MDN1: variants seen among roughly 807,000 people sequenced by gnomAD.
MDN1 encodes the protein midasin.
A neutral mutation model predicts 669.2 loss-of-function variants in MDN1; 266 were observed. The ratio of observed to expected loss-of-function variants is 0.40; its 90% CI spans 0.36 to 0.44. MDN1 has a LOEUF of 0.44. Ranked by LOEUF, MDN1 falls within the 20% of genes least tolerant of loss-of-function variation. The pLI is 1.00. For missense variants in MDN1, 5,940 were observed against 6,754.0 expected (o/e 0.88, Z 4.22); for synonymous variants, 2,385 against 2,457.1 (o/e 0.97, Z 0.87).
At chr6:89,759,620 C>T (rs370616472) in intron 17 of MDN1, among the ~76,000 whole-genome samples, 7 of 151,280 alleles carry the variant, frequency 4.6e-5, no homozygotes, top group African/African-American at 1.5e-4. Flanking sequence ...AAAAAATAGC[C>T]GGGCGTGGTG....
Position 89,725,232 on chromosome 6 carries a change from G to A in MDN1, c.5637C>T (p.Gly1879=), listed in dbSNP as rs762749237. ...ATCTGTTAAGGAAAGACCTGGGCAA[G>A]CCTTTCCTCCCACCTCCTTGTCTAA... ...NPFRQGGGRK[G]LPRSFLNRFT... The change falls in exon 38 of 102, where the codon GGC becomes GGT. Residue 1879 remains glycine, a synonymous_variant. Transcript: ENST00000369393. 8.7e-6 allele frequency: 14 copies of A among 1,614,000 alleles called. No homozygotes were observed. The East Asian group carries it at 2.9e-4, about 33-fold the overall frequency.
intron 83 of MDN1, among the ~76,000 whole-genome samples, chr6:89,668,934 T>C (rs1810447754): frequency 6.6e-6 from 1 of 152,232 alleles, no homozygotes; most frequent in South Asian, 2.1e-4. Flanking sequence ...AGGACATATA[T>C]TCTCAGAATG....
chr6:89,797,268 G>C (rs1819655857), intron 2 of MDN1, among the ~76,000 whole-genome samples: 1 of 151,004 alleles, frequency 6.6e-6, no homozygotes, highest in South Asian at 2.1e-4. Flanking sequence ...TACCCAGAAG[G>C]CTGAGGCAGG....
intron 32 of MDN1, 103 bp from the exon 33 acceptor site, chr6:89,738,558 T>A: frequency 8.3e-7 from 1 of 1,207,466 alleles, no homozygotes; most frequent in Non-Finnish European, 1.2e-6. Flanking sequence ...CAGCAAATAC[T>A]ACACACTTTT....
intron 49 of MDN1, among the ~76,000 whole-genome samples, chr6:89,711,075 A>G (rs1010586560): frequency 7.9e-5 from 12 of 152,368 alleles, no homozygotes; most frequent in Non-Finnish European, 1.8e-4. Context: ...TAGACAGATG[A>G]CCACATGTGT....
At chr6:89,648,423 CATT>C in intron 97 of MDN1, 94 bp from the exon 98 acceptor site, 1 of 1,246,062 alleles carries the variant, frequency 8.0e-7, no homozygotes, top group South Asian at 1.2e-5. Context: ...CCAAAGAAAA[CATT>C]TTTTTGTTTG....
At chr6:89,791,468 A>G (rs1207163684) in intron 5 of MDN1, among the ~76,000 whole-genome samples, 1 of 152,168 alleles carries the variant, frequency 6.6e-6, no homozygotes, top group East Asian at 1.9e-4. Flanking sequence ...ATTTGCTTCT[A>G]AGTAATATAA....
At chr6:89,681,455 T>C (rs1562080835) in intron 73 of MDN1, among the ~76,000 whole-genome samples, 1 of 152,262 alleles carries the variant, frequency 6.6e-6, no homozygotes, top group East Asian at 1.9e-4. Flanking sequence ...ATTACAGGCA[T>C]GAGCCACCGC....
At position 89,728,934 on chromosome 6, in the gene MDN1, T is replaced by C. The variant is rs1198969282; in HGVS notation, c.5346A>G (p.Gln1782=). ...GCTGTAGGATGACCGAGCTTACCGT[T>C]TGCTCTGATAAGTTGATTCTAACAA... ...NTLVRINLSE[Q]TDITDLFGAD... The change falls in exon 36 of 102, where the codon CAA becomes CAG. Residue 1782 remains glutamine, a synonymous_variant. Transcript: ENST00000369393. 2.5e-6 allele frequency: 4 copies of C among 1,613,576 alleles called. No homozygotes were observed. The highest frequency in any genetic ancestry group is 2.2e-5 in the South Asian group (2 of 91,074).
chr6:89,685,213 G>T (rs543454742), intron 70 of MDN1, among the ~76,000 whole-genome samples: 3 of 151,950 alleles, frequency 2.0e-5, no homozygotes, highest in Admixed American at 6.6e-5. Context: ...TGTAACAGAT[G>T]TTTTTTTGCA....
At chr6:89,783,239 A>T (rs528055071) in intron 9 of MDN1, among the ~76,000 whole-genome samples, 20 of 152,270 alleles carry the variant, frequency 1.3e-4, no homozygotes, top group African/African-American at 4.8e-4. Context: ...CCTAGCAAGG[A>T]ATATTAATAT....
At chr6:89,809,215 CAAAAAAAA>C (rs1167270500) in intron 1 of MDN1, among the ~76,000 whole-genome samples, 2 of 59,292 alleles carry the variant, frequency 3.4e-5, no homozygotes, top group Admixed American at 4.4e-4. Flanking sequence ...GACACTGTCT[CAAAAAAAA>C]AAAAAAAAAA....
At chr6:89,741,926 C>G (rs1194272284) in intron 31 of MDN1, among the ~76,000 whole-genome samples, 8 of 151,816 alleles carry the variant, frequency 5.3e-5, no homozygotes, top group Non-Finnish European at 1.0e-4. Context: ...CATGGTGAAA[C>G]CCCATCTTTA....
intron 1 of MDN1, among the ~76,000 whole-genome samples, chr6:89,807,369 C>T (rs957279606): frequency 5.9e-5 from 9 of 152,220 alleles, no homozygotes; most frequent in East Asian, 1.9e-4. Flanking sequence ...TACAGGCATG[C>T]GCCACCACGC....
intron 11 of MDN1, 114 bp from the exon 12 acceptor site, chr6:89,776,809 C>A (rs939106243): frequency 1.3e-5 from 10 of 744,092 alleles, no homozygotes; most frequent in African/African-American, 1.1e-4. Flanking sequence ...AGGAACATTT[C>A]TCTAAAAATG....
intron 5 of MDN1, among the ~76,000 whole-genome samples, chr6:89,791,144 T>C (rs1310241017): frequency 1.3e-5 from 2 of 152,158 alleles, no homozygotes; most frequent in Non-Finnish European, 2.9e-5. Flanking sequence ...CAGAATTTGT[T>C]GGCAAATGTA....
In MDN1 at chr6:89,707,490, C is replaced by A. The variant is rs1248274019; in HGVS notation, c.7899-14G>T. ...TATATGATTGTCCTGGAATGAGATT[C>A]AAAAAACGTAACAAATAGCTATCGG... On this transcript the variant is annotated splice_polypyrimidine_tract_variant and intron_variant, in intron 51 of 101. Coordinates refer to ENST00000369393, the MANE Select transcript of MDN1 (RefSeq NM_014611.3). The A allele has an allele frequency of 2.0e-6, 3 of 1,483,386 alleles. No individual in the cohort carries two copies. The highest frequency in any genetic ancestry group is 4.5e-5 in the East Asian group (2 of 44,264). The allele number at this position is 1,483,386 out of a possible 1,614,324, so 91.9% of individuals were successfully genotyped here. A position where few individuals can be genotyped will look rare whatever the true frequency, so the allele number is the denominator to read the frequency against.
intron 40 of MDN1, among the ~76,000 whole-genome samples, chr6:89,722,482 T>C (rs1814896784): frequency 6.6e-6 from 1 of 152,208 alleles, no homozygotes; most frequent in Non-Finnish European, 1.5e-5. Context: ...AGCAAGCTAC[T>C]CTATATTGTG....
At chr6:89,733,301 C>A (rs1815723330) in intron 33 of MDN1, among the ~76,000 whole-genome samples, 1 of 151,602 alleles carries the variant, frequency 6.6e-6, no homozygotes, top group Non-Finnish European at 1.5e-5. Flanking sequence ...AATTTTGTTT[C>A]ATGAATCAAG....
Sources: gnomAD v4.1 joint callset for allele counts (sites outside exome capture counted in the v4.1 genomes callset) on GRCh38, gnomAD v4.1.1 for gene constraint, MANE v1.5 for transcripts, NCBI Gene and HGNC (gene_info 2026-07-23, HGNC 2026-07-21) for gene names.